Variants in TRAPPC9 observed in about 807,000 individuals in gnomAD.
TRAPPC9 encodes IKK2 binding protein.
A neutral mutation model predicts 124.0 loss-of-function variants in TRAPPC9; 83 were observed. The ratio of observed to expected loss-of-function variants is 0.67; its 90% confidence interval spans 0.56 to 0.80. The LOEUF is 0.80. Ranked by LOEUF, TRAPPC9 falls within the 30% of genes least tolerant of loss-of-function variation. TRAPPC9 has a pLI of 0.00. For missense variants in TRAPPC9, 1,302 were observed against 1,508.3 expected, an observed-to-expected ratio of 0.86 and a Z score of 2.27; for synonymous variants, 638 against 617.5, an observed-to-expected ratio of 1.03 and a Z score of -0.49.
intron 16 of TRAPPC9, among the ~76,000 whole-genome samples, chr8:140,251,278 T>G (rs1297538758): frequency 6.6e-6 from 1 of 152,136 alleles, no homozygotes; most frequent in Admixed American, 6.5e-5. Context: ...CAAACCCCCT[T>G]CTTGGGAAGA....
At chr8:140,121,763 C>T (rs1242078552) in intron 17 of TRAPPC9, among the ~76,000 whole-genome samples, 1 of 152,198 alleles carries the variant, frequency 6.6e-6, no homozygotes, top group East Asian at 1.9e-4. Context: ...CTCTGGAGAG[C>T]TCTGTGCTCC....
At chr8:140,179,732 T>C (rs1191329705) in intron 17 of TRAPPC9, among the ~76,000 whole-genome samples, 2 of 152,124 alleles carry the variant, frequency 1.3e-5, no homozygotes, top group Admixed American at 6.5e-5. Flanking sequence ...ATTTGCTTCA[T>C]GCATGTTGAA....
intron 18 of TRAPPC9, among the ~76,000 whole-genome samples, chr8:140,007,907 G>A (rs1234164314): frequency 6.6e-6 from 1 of 152,170 alleles, no homozygotes; most frequent in East Asian, 1.9e-4. Flanking sequence ...ACAGACCGGT[G>A]AGCAGACACA....
intron 17 of TRAPPC9, among the ~76,000 whole-genome samples, chr8:140,194,896 T>C (rs28575441): frequency 0.81 from 123,176 of 151,442 alleles, 50,348 homozygotes; most frequent in African/African-American, 0.89. Context: ...CACTAAAACA[T>C]AGTCAATGAT....
At chr8:140,186,645 C>T (rs953999689) in intron 17 of TRAPPC9, among the ~76,000 whole-genome samples, 2 of 152,072 alleles carry the variant, frequency 1.3e-5, no homozygotes, top group Non-Finnish European at 2.9e-5. Context: ...TTATAAGTAT[C>T]CTTTTCTTCT....
At chr8:140,111,042 C>G (rs2060766149) in intron 17 of TRAPPC9, among the ~76,000 whole-genome samples, 1 of 147,194 alleles carries the variant, frequency 6.8e-6, no homozygotes, top group African/African-American at 2.5e-5. Context: ...AAGTCCCCAG[C>G]TGCTGATAGC....
intron 9 of TRAPPC9, among the ~76,000 whole-genome samples, chr8:140,323,940 G>A (rs1247550758): frequency 6.6e-6 from 1 of 152,108 alleles, no homozygotes; most frequent in Non-Finnish European, 1.5e-5. Flanking sequence ...GGTGGTGTTT[G>A]GTTACATAAA....
chr8:139,772,501 ACT>A (rs1234160754), intron 21 of TRAPPC9, among the ~76,000 whole-genome samples: 1 of 151,892 alleles, frequency 6.6e-6, no homozygotes, highest in African/African-American at 2.4e-5. Flanking sequence ...GAAGTCCCAC[ACT>A]CTGCCTGTGA....
intron 17 of TRAPPC9, among the ~76,000 whole-genome samples, chr8:140,191,115 G>A (rs767795011): frequency 5.9e-5 from 9 of 152,162 alleles, no homozygotes; most frequent in Non-Finnish European, 1.0e-4. Context: ...AAGTGCATTC[G>A]CTCAGGCTTT....
At chr8:140,349,745 C>T (rs1480608861) in intron 9 of TRAPPC9, among the ~76,000 whole-genome samples, 2 of 152,200 alleles carry the variant, frequency 1.3e-5, no homozygotes. Flanking sequence ...CATCCGCCCC[C>T]TTCCAGCAGT....
intron 17 of TRAPPC9, among the ~76,000 whole-genome samples, chr8:140,185,050 A>G (rs1273796206): frequency 1.3e-5 from 2 of 152,272 alleles, no homozygotes; most frequent in Non-Finnish European, 2.9e-5. Flanking sequence ...TAGCTTGCCA[A>G]TAATGGCAGG....
rs571937940 is a variant in TRAPPC9 at position 140,432,639 on chromosome 8, G to A, written c.859+2473C>T. ...TGTAATCCCAGCACTTTGGGAGGCC[G>A]AGGCGGGCAGATCATGAAGTCAGGA... On this transcript the variant is annotated intron_variant, in intron 4 of 22. Coordinates refer to ENST00000438773, the MANE Select transcript of TRAPPC9 (RefSeq NM_001160372.4). 1.7e-3 allele frequency among the ~76,000 whole-genome samples: 263 copies of A among 152,274 alleles called. 1 individual carries two copies. The highest frequency in any genetic ancestry group is 5.6e-3 in the African/African-American group (234 of 41,564).
chr8:140,170,005 T>C (rs1460428748), intron 17 of TRAPPC9, among the ~76,000 whole-genome samples: 2 of 152,250 alleles, frequency 1.3e-5, no homozygotes, highest in African/African-American at 4.8e-5. Flanking sequence ...CCAGAAGTGC[T>C]GGGACTACAG....
chr8:139,804,885 A>G (rs1823933573), intron 21 of TRAPPC9, among the ~76,000 whole-genome samples: 1 of 152,168 alleles, frequency 6.6e-6, no homozygotes, highest in Non-Finnish European at 1.5e-5. Context: ...GGACCCCTGT[A>G]TGGGAGGAGT....
At chr8:140,190,833 T>G (rs2062474141) in intron 17 of TRAPPC9, among the ~76,000 whole-genome samples, 1 of 152,052 alleles carries the variant, frequency 6.6e-6, no homozygotes, top group Non-Finnish European at 1.5e-5. Context: ...AGAAAGAAGG[T>G]CAAATATATA....
At chr8:139,972,971 C>G (rs1836201349) in intron 19 of TRAPPC9, among the ~76,000 whole-genome samples, 1 of 152,184 alleles carries the variant, frequency 6.6e-6, no homozygotes, top group Non-Finnish European at 1.5e-5. Flanking sequence ...CCACCACTGA[C>G]TCAGAAGGGA....
intron 10 of TRAPPC9, among the ~76,000 whole-genome samples, chr8:140,300,861 C>G (rs1442290869): frequency 1.3e-5 from 2 of 152,246 alleles, no homozygotes; most frequent in Admixed American, 1.3e-4. Flanking sequence ...TCTGGGGACT[C>G]CTGAACTGGG....
At chr8:140,233,014 A>G (rs1433009378) in intron 16 of TRAPPC9, among the ~76,000 whole-genome samples, 2 of 152,212 alleles carry the variant, frequency 1.3e-5, no homozygotes, top group Non-Finnish European at 2.9e-5. Flanking sequence ...AGCACTGCGC[A>G]TCCCTAAAAG....
At chr8:140,285,487 A>C (rs2065456694) in intron 13 of TRAPPC9, among the ~76,000 whole-genome samples, 1 of 152,050 alleles carries the variant, frequency 6.6e-6, no homozygotes, top group Non-Finnish European at 1.5e-5. Flanking sequence ...CTCTCTTCAA[A>C]TAACGCAGCA....
Sources: gnomAD v4.1 joint callset for allele counts (sites outside exome capture counted in the v4.1 genomes callset) on GRCh38, gnomAD v4.1.1 for gene constraint, MANE v1.5 for transcripts, NCBI Gene and HGNC (gene_info 2026-07-23, HGNC 2026-07-21) for gene names.